LAMA5: variants seen among roughly 807,000 people sequenced by gnomAD.
LAMA5 encodes laminin subunit alpha-5.
In LAMA5, 260 loss-of-function variants were observed where a neutral mutation model predicts 433.4. The ratio of observed to expected loss-of-function variants is 0.60; its 90% confidence interval spans 0.54 to 0.66. The LOEUF is 0.66. Ranked by LOEUF, LAMA5 falls within the 30% of genes least tolerant of loss-of-function variation. The probability of loss-of-function intolerance (pLI) is 0.00; values close to 1 mark genes in which losing one functional copy is unlikely to be tolerated. For missense variants in LAMA5, 5,378 were observed against 5,258.5 expected (o/e 1.02, Z -0.70); for synonymous variants, 2,620 against 2,226.6 (o/e 1.18, Z -4.97).
At position 62,367,145 on chromosome 20, in the gene LAMA5, C is replaced by A; in HGVS notation, c.101G>T (p.Arg34Leu). 7.9e-7 allele frequency: 1 copy of A among 1,267,574 alleles called. No individual in the cohort carries two copies. The highest frequency in any genetic ancestry group is 1.6e-5 in the African/African-American group (1 of 64,220). The allele number at this position is 1,267,574 out of a possible 1,614,324, so 78.5% of individuals were successfully genotyped here. ...GCCGCCGCCCGCCTCCTCCCGCGCC[C>A]GCGCCGCGCCCAGCAGCGCCAGCCC... ...LVGLALLGAA[R>L]AREEAGGGFS... is the part of the protein sequence containing the mutation. The change falls in exon 1 of 80, where the codon CGG becomes CTG. Residue 34 changes from arginine to leucine, a missense_variant. Transcript: ENST00000252999.
chr20:62,334,759 G>GGGCGAGGGCGAGGGCGAGGGCT, intron 20 of LAMA5, 138 bp from the exon 21 acceptor site: 3 of 36,856 alleles, frequency 8.1e-5, no homozygotes, highest in Non-Finnish European at 1.9e-4. Context: ...GGCTCAGGGC[G>GGGCGAGGGCGAGGGCGAGGGCT]AGGGCGAGGG....
intron 6 of LAMA5, among the ~76,000 whole-genome samples, chr20:62,350,440 C>A (rs1190375717): frequency 1.3e-5 from 2 of 152,232 alleles, no homozygotes; most frequent in South Asian, 4.1e-4. Context: ...TCCGAAGGGG[C>A]CCAGGGCTCC....
chr20:62,323,546 G>A lies in LAMA5; in HGVS notation c.5974C>T (p.Arg1992Cys), dbSNP rs867155718. The change falls in exon 45 of 80, where the codon CGT becomes TGT. Residue 1992 changes from arginine to cysteine, a missense_variant. Coordinates refer to ENST00000252999, the MANE Select transcript of LAMA5 (RefSeq NM_005560.6). Reference protein sequence around the residue: ...SDCDPLTGACRGCLRHTTGPR... With the variant: ...SDCDPLTGACCGCLRHTTGPR... ...CCAGTGGTGTGGCGCAGGCAGCCAC[G>A]GCAGGCGCCCGTCAGGGGGTCGCAG... 2.0e-5 allele frequency: 32 copies of A among 1,591,146 alleles called. No homozygotes were observed. The highest frequency in any genetic ancestry group is 1.7e-4 in the Middle Eastern group (1 of 6,020).
At chr20:62,350,521 C>T (rs1021924637) in intron 6 of LAMA5, among the ~76,000 whole-genome samples, 3 of 152,196 alleles carry the variant, frequency 2.0e-5, no homozygotes, top group Non-Finnish European at 2.9e-5. Flanking sequence ...CCCGCCTCCC[C>T]ACCTCCCCTG....
At chr20:62,315,912 G>T in intron 58 of LAMA5, 36 bp downstream of exon 58, 2 of 1,477,478 alleles carry the variant, frequency 1.4e-6, no homozygotes. Flanking sequence ...CCTCATGGTC[G>T]GCCGGCTGCG....
Position 62,331,058 on chromosome 20 carries a change from G to A in LAMA5, c.3624C>T (p.Ser1208=). The change falls in exon 29 of 80, where the codon AGC becomes AGT. Residue 1208 remains serine (S), a synonymous_variant. Coordinates refer to ENST00000252999, the MANE Select transcript of LAMA5 (RefSeq NM_005560.6). ...EFVEPRVSCI[S]SHGAFGPNSA... ...TGTTGGGGCCAAAGGCGCCGTGGCT[G>A]CTGATGCAGCTGACCCGGGGCTCCA... The A allele has an allele frequency of 6.2e-7, 1 of 1,603,152 alleles. No homozygotes were observed. The highest frequency in any genetic ancestry group is 8.5e-7 in the Non-Finnish European group (1 of 1,174,904).
intron 21 of LAMA5, 58 bp downstream of exon 21, chr20:62,334,464 C>T (rs2146210877): frequency 1.3e-6 from 2 of 1,517,296 alleles, no homozygotes; most frequent in South Asian, 1.2e-5. Context: ...CACGGAGAGG[C>T]CCGGAGGACA....
Position 62,310,643 on chromosome 20 carries a change from G to A in LAMA5, c.10446+22C>T, listed in dbSNP as rs764899311. The A allele has an allele frequency of 4.8e-5, 76 of 1,596,774 alleles. 1 individual carries two copies. The South Asian group carries it at 5.9e-4, about 12-fold the overall frequency. On this transcript the variant is annotated intron_variant, in intron 75 of 79. Coordinates refer to ENST00000252999, the MANE Select transcript of LAMA5 (RefSeq NM_005560.6). ...AGGGAACAGTGGGTGGGGAGTGGGG[G>A]CTGGGGCAAGATGGTTCTCACCGGA...
In LAMA5 at chr20:62,334,613, A is replaced by G; in HGVS notation, c.2491T>C (p.Cys831Arg). 1 of 1,546,570 alleles carries G rather than the reference A, an allele frequency of 6.5e-7. No homozygotes were observed. The highest frequency in any genetic ancestry group is 8.7e-7 in the Non-Finnish European group (1 of 1,146,464). ...ADYFGCRSCR[C>R]DIGGALGQSC... is the part of the protein sequence containing the mutation. ...TGGCCCAGTGCACCGCCAATGTCAC[A>G]CCGGCAGCCTGCAGGGAGAAGGTGG... is the stretch of plus-strand genomic sequence containing the variant. Residue 831 changes from cysteine (C) to arginine (R), a missense_variant, in exon 21 of 80, where the codon TGT (cysteine) becomes CGT (arginine). Coordinates refer to ENST00000252999, the MANE Select transcript of LAMA5 (RefSeq NM_005560.6).
chr20:62,313,257 G>A lies in LAMA5; in HGVS notation c.8793-7C>T. Reference sequence around the variant, plus strand: ...GTCCCCGGTCGACTTGGAGCTGCAGGTCGGAGATTCTGGGGTCAGCGGAGG... The same window carrying A: ...GTCCCCGGTCGACTTGGAGCTGCAGATCGGAGATTCTGGGGTCAGCGGAGG... On this transcript the variant is annotated splice_region_variant and splice_polypyrimidine_tract_variant and intron_variant, in intron 64 of 79. Coordinates refer to ENST00000252999, the MANE Select transcript of LAMA5 (RefSeq NM_005560.6). The A allele has an allele frequency of 1.3e-6, 2 of 1,540,166 alleles. No individual in the cohort carries two copies. The highest frequency in any genetic ancestry group is 8.7e-7 in the Non-Finnish European group (1 of 1,145,012).
rs778034259 is a variant in LAMA5, at chr20:62,322,386, C to T, written c.6229G>A (p.Glu2077Lys). The T allele has an allele frequency of 1.7e-5, 27 of 1,591,124 alleles. No individual in the cohort carries two copies. Among genetic ancestry groups the T allele is most frequent in the South Asian group, 4.5e-5 (4 of 88,324 alleles). Residue 2077 changes from glutamate (E) to lysine (K), a missense_variant, in exon 47 of 80, where the codon GAG (glutamate) becomes AAG (lysine). Transcript: ENST00000252999. ...CTCTGGGGGTGGCACTCGGAGCCCT[C>T]GGCGGCCGGTCCACAAGCACACGGG... ...CRPCACGPAA[E>K]GSECHPQSGQ...
At chr20:62,334,162 T>C in intron 22 of LAMA5, 24 bp downstream of exon 22, 5 of 1,605,812 alleles carry the variant, frequency 3.1e-6, no homozygotes, top group Non-Finnish European at 3.4e-6. Flanking sequence ...AGGCTGAGCC[T>C]GGGAGGGGGA....
intron 76 of LAMA5, 31 bp from the exon 77 acceptor site, chr20:62,310,342 G>A (rs768753176): frequency 6.3e-7 from 1 of 1,574,902 alleles, no homozygotes; most frequent in Non-Finnish European, 8.6e-7. Context: ...GGAGAAGAAA[G>A]GGGGGGCCCC....
chr20:62,333,950 G>A lies in LAMA5; in HGVS notation c.2829C>T (p.Ser943=), dbSNP rs151209097. The A allele has an allele frequency of 1.0e-3, 1,665 of 1,612,368 alleles. 3 individuals carry two copies. Among genetic ancestry groups the A allele is most frequent in the Non-Finnish European group, 1.3e-3 (1,571 of 1,179,676 alleles). The change falls in exon 23 of 80, where the codon AGC becomes AGT. Residue 943 remains serine (S), a synonymous_variant. Coordinates refer to ENST00000252999, the MANE Select transcript of LAMA5 (RefSeq NM_005560.6). The part of the protein sequence containing the change: ...RYVNRGAMSV[S]GRVSVREEGR... ...CCTCCTCTCGCACAGAGACCCGCCC[G>A]CTCACACTCATGGCCCCCCGGTTGA... is the stretch of plus-strand genomic sequence containing the variant.
chr20:62,327,665 T>C lies in LAMA5; in HGVS notation c.4802A>G (p.Asn1601Ser). ...CTGGTCACATTTGGGGCCCTGCACG[T>C]TCTCCTAGGGATGAGAGGACAGTGA... ...PLTGQCYCKE[N>S]VQGPKCDQCS... Residue 1601 changes from asparagine (N) to serine (S), a missense_variant, in exon 37 of 80, where the codon AAC becomes AGC. By Grantham distance (46) the Asn-to-Ser change is conservative. Transcript: ENST00000252999. 1 of 1,612,908 alleles carries C rather than the reference T, an allele frequency of 6.2e-7. No homozygotes were observed. Among genetic ancestry groups the C allele is most frequent in the Middle Eastern group, 1.7e-4 (1 of 6,056 alleles).
Position 62,309,175 on chromosome 20 carries a change from A to G in LAMA5, c.*161T>C, listed in dbSNP as rs1985775251. On this transcript the variant is annotated 3_prime_UTR_variant, in exon 80 of 80. Transcript: ENST00000252999. ...GCCAAATATAAAAACATTTTGCAGT[A>G]TTTTATTCTTTCGTTTAAGAAGCTA... 2.7e-6 allele frequency: 2 copies of G among 738,268 alleles called. No individual in the cohort carries two copies. Among genetic ancestry groups the G allele is most frequent in the African/African-American group, 3.6e-5 (2 of 55,768 alleles). 45.7% of individuals were successfully genotyped at this position (738,268 alleles called of 1,614,324 possible).
chr20:62,319,107 C>G (rs1200611247), intron 51 of LAMA5, 94 bp from the exon 52 acceptor site: 18 of 1,339,980 alleles, frequency 1.3e-5, no homozygotes, highest in Non-Finnish European at 1.5e-5. Context: ...CCCTGCCATC[C>G]TTGGCAGGCC....
intron 40 of LAMA5, among the ~76,000 whole-genome samples, chr20:62,326,198 C>T (rs1038581501): frequency 3.8e-4 from 56 of 148,992 alleles, no homozygotes; most frequent in Admixed American, 2.8e-3. Context: ...CCAGCCTGGG[C>T]GACAGAGCAA....
Position 62,323,468 on chromosome 20 carries a change from C to T in LAMA5, c.6052G>A (p.Gly2018Ser), listed in dbSNP as rs748789644. Residue 2018 changes from glycine to serine, a missense_variant, in exon 45 of 80, where the codon GGC becomes AGC. Transcript: ENST00000252999. Reference sequence around the variant, plus strand: ...GCCCGACGCCTACGGGTGCAGTTGCCGGGCAGCAGGGCGTTGCCGTAGAAG... The same window carrying T: ...GCCCGACGCCTACGGGTGCAGTTGCTGGGCAGCAGGGCGTTGCCGTAGAAG... Reference protein sequence around the residue: ...PGFYGNALLPGNCTRCDCTPC... With the variant: ...PGFYGNALLPSNCTRCDCTPC... 33 of 1,541,608 alleles carry T rather than the reference C, an allele frequency of 2.1e-5. No homozygotes were observed. The highest frequency in any genetic ancestry group is 7.3e-5 in the East Asian group (3 of 41,168).
Sources: allele counts gnomAD v4.1 joint callset (sites outside exome capture counted in the v4.1 genomes callset), GRCh38; gene constraint gnomAD v4.1.1; transcripts MANE v1.5; gene names NCBI Gene and HGNC (gene_info 2026-07-23, HGNC 2026-07-21).